The following CHD7 variants were observed in gnomAD, a reference collection of about 807,000 sequenced individuals.
CHD7 encodes the protein chromodomain helicase DNA binding protein 7.
Under a neutral mutation model 307.3 loss-of-function variants are expected in CHD7, and 24 were observed. That is an observed-to-expected ratio of 0.08 (90% confidence interval 0.06 to 0.11). The LOEUF (loss-of-function observed/expected upper bound fraction) is 0.11. Among genes scored for constraint, CHD7 ranks in the 10% least tolerant of loss-of-function variants. The pLI, the probability that CHD7 is intolerant of heterozygous loss-of-function variation, is 1.00. For synonymous variants in CHD7, 1,363 were observed against 1,349.9 expected (o/e 1.01, Z -0.21); for missense variants, 3,106 against 3,727.1 (o/e 0.83, Z 4.34).
chr8:60,865,376 G>A lies in CHD7; in HGVS notation c.8437G>A (p.Gly2813Ser), dbSNP rs1436868650. ...GGGCCTGCCCAACGTGTTTGGCTTGGGCGGGCTGTTGAATAACCCTCTGTC... is the reference window on the plus strand; with the variant it reads ...GGGCCTGCCCAACGTGTTTGGCTTGAGCGGGCTGTTGAATAACCCTCTGTC... ...MAGLPNVFGL[G>S]GLLNNPLSAA... is the part of the protein sequence containing the mutation. Residue 2813 changes from glycine to serine, a missense_variant, in exon 38 of 38, where the codon GGC (glycine) becomes AGC (serine). By Grantham distance (56) the Gly-to-Ser change is moderately conservative. This residue lies in a region of CHD7 where 351 missense variants were observed against 366.2 expected (regional missense o/e 0.96). Coordinates refer to ENST00000423902, the MANE Select transcript of CHD7 (RefSeq NM_017780.4). This position sits in a 1 kb window ranked among gnomAD's most constrained non-coding sequence, Gnocchi z 4.3. 1 of 1,612,566 alleles carries A rather than the reference G, an allele frequency of 6.2e-7. No individual in the cohort carries two copies. The highest frequency in any genetic ancestry group is 8.5e-7 in the Non-Finnish European group (1 of 1,179,506).
At chr8:60,824,834 A>G (rs982366844) in intron 13 of CHD7, 15 of 152,166 alleles carry the variant, frequency 9.9e-5, no homozygotes, top group African/African-American at 3.4e-4. Flanking sequence ...ATGGAATAAC[A>G]TATCGTAGGA....
chr8:60,787,150 C>G (rs543154878), intron 3 of CHD7, among the ~76,000 whole-genome samples: 1 of 151,812 alleles, frequency 6.6e-6, no homozygotes, highest in East Asian at 2.0e-4. Flanking sequence ...TTTGGTTTCT[C>G]CTGTTGGGGT....
Position 60,743,016 on chromosome 8 carries a change from A to C in CHD7, c.1584A>C (p.Ser528=). 1 of 1,613,694 alleles carries C rather than the reference A, an allele frequency of 6.2e-7. No individual in the cohort carries two copies. The highest frequency in any genetic ancestry group is 8.5e-7 in the Non-Finnish European group (1 of 1,179,814). Residue 528 remains serine (S), a synonymous_variant, in exon 2 of 38, where the codon TCA becomes TCC. Coordinates refer to ENST00000423902, the MANE Select transcript of CHD7 (RefSeq NM_017780.4). Reference sequence around the variant, plus strand: ...ACCCGGGCTTGCACCACCAGTCTTCACCTCCACACCCTCATCACCAGCCTT... The same window carrying C: ...ACCCGGGCTTGCACCACCAGTCTTCCCCTCCACACCCTCATCACCAGCCTT... ...QPHPGLHHQS[S]PPHPHHQPWA... is the part of the protein sequence containing the mutation.
intron 15 of CHD7, among the ~76,000 whole-genome samples, chr8:60,831,219 A>G (rs1252208989): frequency 1.3e-5 from 2 of 152,192 alleles, no homozygotes; most frequent in African/African-American, 4.8e-5. Flanking sequence ...TGGAGAATGC[A>G]AAGGTAAATA....
chr8:60,790,610 A>G (rs954914656), intron 3 of CHD7, among the ~76,000 whole-genome samples: 1 of 152,124 alleles, frequency 6.6e-6, no homozygotes, highest in Admixed American at 6.6e-5. Context: ...AGGGCTATGT[A>G]TGTTTCTGCT....
intron 3 of CHD7, 54 bp from the exon 4 acceptor site, chr8:60,794,932 G>A: frequency 6.7e-7 from 1 of 1,500,718 alleles, no homozygotes; most frequent in Non-Finnish European, 9.1e-7. Context: ...AAATATAAGA[G>A]ACATGCAGAA....
At chr8:60,704,066 C>T (rs762084536) in intron 1 of CHD7, among the ~76,000 whole-genome samples, 18 of 152,048 alleles carry the variant, frequency 1.2e-4, no homozygotes, top group Non-Finnish European at 1.9e-4. Flanking sequence ...TCCCCTGCCC[C>T]TTTAAAAAAA....
intron 1 of CHD7, among the ~76,000 whole-genome samples, chr8:60,723,222 A>G (rs1044667204): frequency 1.3e-5 from 2 of 152,176 alleles, no homozygotes; most frequent in African/African-American, 4.8e-5. Flanking sequence ...TTCCTATTTT[A>G]TTCGAATACT....
intron 1 of CHD7, among the ~76,000 whole-genome samples, chr8:60,715,527 C>T (rs1296788153): frequency 6.6e-6 from 1 of 152,092 alleles, no homozygotes; most frequent in Admixed American, 6.6e-5. Context: ...CCATGTTGGC[C>T]AGGCTGGTCT....
At chr8:60,836,607 G>C (rs879651656) in intron 16 of CHD7, among the ~76,000 whole-genome samples, 2 of 152,028 alleles carry the variant, frequency 1.3e-5, no homozygotes, top group Admixed American at 1.3e-4. Context: ...TATTTCCCTG[G>C]AGAGGAAGTA....
chr8:60,683,434 G>A (rs1239670114), intron 1 of CHD7, among the ~76,000 whole-genome samples: 1 of 152,206 alleles, frequency 6.6e-6, no homozygotes, highest in Non-Finnish European at 1.5e-5. Flanking sequence ...TCATGACTAT[G>A]TGTCCATATT....
chr8:60,713,571 A>G (rs1294211154), intron 1 of CHD7, among the ~76,000 whole-genome samples: 2 of 152,222 alleles, frequency 1.3e-5, no homozygotes, highest in Non-Finnish European at 2.9e-5. Flanking sequence ...CAGCAATCCT[A>G]GAATTCTGAA....
chr8:60,716,324 C>T (rs1807598160), intron 1 of CHD7, among the ~76,000 whole-genome samples: 1 of 152,204 alleles, frequency 6.6e-6, no homozygotes, highest in Non-Finnish European at 1.5e-5. Context: ...GAAAGCAGTT[C>T]GTGATTCATC....
At chr8:60,734,637 C>T (rs775530253) in intron 1 of CHD7, among the ~76,000 whole-genome samples, 50 of 152,050 alleles carry the variant, frequency 3.3e-4, no homozygotes, top group Non-Finnish European at 6.9e-4. Context: ...GGTGTGAAGG[C>T]GAGGAAGGTA....
At chr8:60,772,635 C>T (rs7842389) in intron 2 of CHD7, among the ~76,000 whole-genome samples, 118,261 of 152,024 alleles carry the variant, frequency 0.78, 46,269 homozygotes, top group East Asian at 0.94. Flanking sequence ...CAACTTGAAA[C>T]AAGACAGATG....
rs566019090 is a variant in CHD7, at chr8:60,798,125, A to C, written c.2239-2263A>C. 5.3e-5 allele frequency among the ~76,000 whole-genome samples: 8 copies of C among 152,336 alleles called. 1 individual carries two copies. The South Asian group carries it at 1.5e-3, about 28-fold the overall frequency. ...AGTCGGGGCAAGTTCAAACAAGAGC[A>C]CTTAGCTCTAGGACTTACAAGGTCA... On this transcript the variant is annotated intron_variant, in intron 4 of 37. Coordinates refer to ENST00000423902, the MANE Select transcript of CHD7 (RefSeq NM_017780.4).
At position 60,844,568 on chromosome 8, in the gene CHD7, C is replaced by T. The variant is rs534646628; in HGVS notation, c.4851-296C>T. On this transcript the variant is annotated intron_variant, in intron 21 of 37. Coordinates refer to ENST00000423902, the MANE Select transcript of CHD7 (RefSeq NM_017780.4). ...CATGATTTCCAGGCCCTCGGATGCA[C>T]TCATGTCCTGAAAATTGCTGCTACA... Among the ~76,000 whole-genome samples the T allele has an allele frequency of 2.6e-5, 4 of 152,274 alleles. No homozygotes were observed. In the East Asian group the frequency reaches 7.7e-4, roughly 29 times the overall value.
intron 7 of CHD7, among the ~76,000 whole-genome samples, chr8:60,813,052 C>T (rs1432515755): frequency 6.6e-6 from 1 of 152,106 alleles, no homozygotes; most frequent in Non-Finnish European, 1.5e-5. Flanking sequence ...GATGTCTTTT[C>T]AGTTGGTCCA....
At chr8:60,796,042 C>T (rs1051634238) in intron 4 of CHD7, among the ~76,000 whole-genome samples, 1 of 152,204 alleles carries the variant, frequency 6.6e-6, no homozygotes, top group African/African-American at 2.4e-5. Context: ...GTGTGCAGCT[C>T]TGTTCCAAAG....
Sources: allele counts gnomAD v4.1 joint callset (sites outside exome capture counted in the v4.1 genomes callset), GRCh38; gene constraint gnomAD v4.1.1; regional missense constraint gnomAD v4.1.1; non-coding constraint Gnocchi (gnomAD v3.1); transcripts MANE v1.5; gene names NCBI Gene and HGNC (gene_info 2026-07-23, HGNC 2026-07-21).